TSNARE1: variants seen among roughly 807,000 people sequenced by gnomAD.
TSNARE1 encodes t-SNARE domain containing 1.
A neutral mutation model predicts 62.0 loss-of-function variants in TSNARE1; 49 were observed. The ratio of observed to expected loss-of-function variants is 0.79; its 90% CI spans 0.63 to 1.00. The LOEUF (loss-of-function observed/expected upper bound fraction) is 1.00. Among genes scored for constraint, TSNARE1 ranks in the 50% least tolerant of loss-of-function variants. TSNARE1 has a pLI of 0.00. For synonymous variants in TSNARE1, 328 were observed against 294.4 expected, an observed-to-expected ratio of 1.11 and a Z score of -1.17; for missense variants, 755 against 700.1, an observed-to-expected ratio of 1.08 and a Z score of -0.88.
intron 11 of TSNARE1, chr8:142,275,877 G>A: frequency 1.0e-6 from 1 of 985,298 alleles, no homozygotes; most frequent in Non-Finnish European, 1.2e-6. Context: ...TGAGGGAGGA[G>A]GGTCCTCAGA....
Position 142,291,356 on chromosome 8 carries a change from G to A in TSNARE1, c.1291-6871C>T, listed in dbSNP as rs142428254. 1.6e-3 allele frequency among the ~76,000 whole-genome samples: 249 copies of A among 152,248 alleles called. No individual in the cohort carries two copies. Among genetic ancestry groups the A allele is most frequent in the African/African-American group, 5.8e-3 (242 of 41,550 alleles). On this transcript the variant is annotated intron_variant, in intron 10 of 13. Transcript: ENST00000524325. The surrounding 1 kb of genome is among the most constrained non-coding windows in gnomAD (Gnocchi z 4.8). ...TGGGCAAGCGATGGGCCTGCTCCAA[G>A]CCACCGTCATCTCTGACAAAATCAG...
At chr8:142,283,211 G>A (rs1821982364) in intron 11 of TSNARE1, among the ~76,000 whole-genome samples, 1 of 150,536 alleles carries the variant, frequency 6.6e-6, no homozygotes, top group Admixed American at 6.6e-5. Context: ...CTGTCTAAGG[G>A]CAAAAGCGGG....
At chr8:142,267,025 T>C (rs960398067) in intron 12 of TSNARE1, among the ~76,000 whole-genome samples, 4 of 152,264 alleles carry the variant, frequency 2.6e-5, no homozygotes, top group Admixed American at 2.6e-4. Flanking sequence ...AATCACTTTT[T>C]AGAATCTTAT....
intron 1 of TSNARE1, among the ~76,000 whole-genome samples, chr8:142,381,513 C>T (rs1291086949): frequency 6.6e-6 from 1 of 151,910 alleles, no homozygotes; most frequent in African/African-American, 2.4e-5. Context: ...TCAGGGTGGG[C>T]TCAGGGACGG....
intron 13 of TSNARE1, among the ~76,000 whole-genome samples, chr8:142,227,025 C>T (rs1252968719): frequency 1.5e-5 from 2 of 135,896 alleles, no homozygotes; most frequent in Non-Finnish European, 3.1e-5. Context: ...CCAAGCCCCC[C>T]ACTGCACCCA....
intron 1 of TSNARE1, among the ~76,000 whole-genome samples, chr8:142,399,377 G>T (rs1587166591): frequency 6.6e-6 from 1 of 152,376 alleles, no homozygotes. Flanking sequence ...TGGACGTTCA[G>T]AGACGCACAG....
chr8:142,345,715 C>T (rs1554668442), intron 3 of TSNARE1, 28 bp downstream of exon 3: 2 of 1,553,736 alleles, frequency 1.3e-6, no homozygotes, highest in Admixed American at 1.9e-5. Context: ...TCCCAGGACC[C>T]CTGAGACCCA....
intron 1 of TSNARE1, among the ~76,000 whole-genome samples, chr8:142,394,688 C>G (rs1305420575): frequency 2.0e-5 from 3 of 152,206 alleles, no homozygotes; most frequent in African/African-American, 4.8e-5. Flanking sequence ...TCAGGTTGGA[C>G]AGAAAACAAC....
At chr8:142,287,423 A>G (rs13255732) in intron 10 of TSNARE1, among the ~76,000 whole-genome samples, 83 of 58,758 alleles carry the variant, frequency 1.4e-3, no homozygotes, top group Admixed American at 2.9e-3. Flanking sequence ...GCCAGATCTC[A>G]GGGACAGTGG....
intron 6 of TSNARE1, among the ~76,000 whole-genome samples, chr8:142,328,820 G>A (rs896664959): frequency 1.9e-5 from 2 of 103,760 alleles, no homozygotes; most frequent in Admixed American, 1.9e-4. Flanking sequence ...GAGGCCTTTG[G>A]GGGGGGGGAG....
At position 142,223,790 on chromosome 8, in the gene TSNARE1, T is replaced by C. The variant is rs1321695840; in HGVS notation, c.*11+5683A>G. On this transcript the variant is annotated intron_variant, in intron 13 of 13. Coordinates refer to ENST00000524325, the MANE Select transcript of TSNARE1 (RefSeq NM_145003.5). ...TCTGCAGGTGCAGGGGCTTGGGTCC[T>C]GGGATCCAGAGTGGGGAGATCATGG... 2.6e-5 allele frequency among the ~76,000 whole-genome samples: 4 copies of C among 152,232 alleles called. No individual in the cohort carries two copies. The East Asian group carries it at 7.7e-4, about 29-fold the overall frequency.
intron 1 of TSNARE1, among the ~76,000 whole-genome samples, chr8:142,390,956 AG>A (rs1409043982): frequency 4.5e-5 from 6 of 134,430 alleles, no homozygotes; most frequent in Non-Finnish European, 9.5e-5. Context: ...GGGACTCTAT[AG>A]CAGACGCTGT....
chr8:142,357,713 A>T (rs1432118683), intron 1 of TSNARE1, among the ~76,000 whole-genome samples: 1 of 152,244 alleles, frequency 6.6e-6, no homozygotes, highest in East Asian at 1.9e-4. Flanking sequence ...TGGCACAGGC[A>T]GGCAGATACC....
At chr8:142,305,459 G>A (rs991689555) in intron 9 of TSNARE1, among the ~76,000 whole-genome samples, 24 of 152,136 alleles carry the variant, frequency 1.6e-4, no homozygotes, top group African/African-American at 5.1e-4. Flanking sequence ...GATGCGAGCC[G>A]TGTGGACACC....
intron 6 of TSNARE1, 148 bp downstream of exon 6, chr8:142,330,753 T>C: frequency 1.3e-6 from 1 of 741,832 alleles, no homozygotes. Context: ...CAGGCGTGTG[T>C]GCATATGTGC....
rs758974988 is a variant in TSNARE1, at chr8:142,223,301, C to CTCATTCACTCACTCGT, written c.*11+6171_*11+6172insACGAGTGAGTGAATGA. On this transcript the variant is annotated intron_variant, in intron 13 of 13. Transcript: ENST00000524325. ...TCACTCACTCATACTCACTCAACCA[C>CTCATTCACTCACTCGT]TCACTCATTCACTCACTCATTCACT... Among the ~76,000 whole-genome samples the CTCATTCACTCACTCGT allele has an allele frequency of 1.5e-3, 26 of 17,210 alleles. 1 individual carries two copies. Among genetic ancestry groups the CTCATTCACTCACTCGT allele is most frequent in the African/African-American group, 6.2e-3 (23 of 3,704 alleles). The allele number at this position is 17,210 out of a possible 152,430, so 11.3% of individuals were successfully genotyped here. A position where few individuals can be genotyped will look rare whatever the true frequency, so the allele number is the denominator to read the frequency against.
At chr8:142,219,838 C>G (rs1334338643) in intron 13 of TSNARE1, among the ~76,000 whole-genome samples, 1 of 152,226 alleles carries the variant, frequency 6.6e-6, no homozygotes, top group Admixed American at 6.5e-5. Context: ...CCCGAAGGCC[C>G]GCTGCCCAGG....
chr8:142,227,872 C>T (rs546433793), intron 13 of TSNARE1, among the ~76,000 whole-genome samples: 2 of 152,380 alleles, frequency 1.3e-5, no homozygotes, highest in Admixed American at 1.3e-4. Flanking sequence ...ATGTACAACA[C>T]ATGGCCTGGC....
intron 12 of TSNARE1, among the ~76,000 whole-genome samples, chr8:142,239,563 T>A (rs540021568): frequency 6.6e-6 from 1 of 152,114 alleles, no homozygotes; most frequent in South Asian, 2.1e-4. Flanking sequence ...AAAAATAGAG[T>A]AAGGAAAAAG....
Sources: gnomAD v4.1 joint callset for allele counts (sites outside exome capture counted in the v4.1 genomes callset) on GRCh38, gnomAD v4.1.1 for gene constraint, Gnocchi (gnomAD v3.1) non-coding constraint, MANE v1.5 for transcripts, NCBI Gene and HGNC (gene_info 2026-07-23, HGNC 2026-07-21) for gene names.